Variants in GPM6A observed in about 807,000 individuals in gnomAD.
The protein encoded by GPM6A is glycoprotein M6A.
A neutral mutation model predicts 32.1 loss-of-function variants in GPM6A; 7 were observed. That is an observed-to-expected ratio of 0.22 (90% CI 0.12 to 0.41). The LOEUF (loss-of-function observed/expected upper bound fraction) is 0.41, where lower values mean the gene tolerates loss of function less well. Ranked by LOEUF, GPM6A falls within the 10% of genes least tolerant of loss-of-function variation. GPM6A has a pLI of 1.00. For missense variants in GPM6A, 235 were observed against 347.2 expected, an observed-to-expected ratio of 0.68 and a Z score of 2.57; for synonymous variants, 130 against 123.4, an observed-to-expected ratio of 1.05 and a Z score of -0.35.
At chr4:175,940,820 G>C (rs894203404) in intron 1 of GPM6A, among the ~76,000 whole-genome samples, 31 of 152,194 alleles carry the variant, frequency 2.0e-4, no homozygotes, top group Non-Finnish European at 4.4e-4. Flanking sequence ...TGTTGGCCAG[G>C]CTAGTCTCGA....
chr4:175,910,538 G>A (rs913264394), intron 1 of GPM6A, among the ~76,000 whole-genome samples: 1 of 152,122 alleles, frequency 6.6e-6, no homozygotes, highest in Middle Eastern at 3.2e-3. Context: ...ACTATGATGA[G>A]CTGGTGTTAT....
At chr4:175,774,181 T>C (rs1267341592) in intron 1 of GPM6A, among the ~76,000 whole-genome samples, 2 of 152,102 alleles carry the variant, frequency 1.3e-5, no homozygotes, top group South Asian at 2.1e-4. Flanking sequence ...GAAGTGTCTA[T>C]CAAGTCCAGT....
intron 1 of GPM6A, among the ~76,000 whole-genome samples, chr4:175,776,680 C>T (rs955418027): frequency 6.6e-6 from 1 of 152,128 alleles, no homozygotes; most frequent in Non-Finnish European, 1.5e-5. Context: ...TTCCTAGCGA[C>T]GTTTTAATGT....
At chr4:175,955,703 A>G (rs903161852) in intron 1 of GPM6A, among the ~76,000 whole-genome samples, 1 of 152,182 alleles carries the variant, frequency 6.6e-6, no homozygotes, top group African/African-American at 2.4e-5. Context: ...CCAAGCAGTA[A>G]CAACAGCCAA....
chr4:175,638,503 T>C (rs1280250012), intron 6 of GPM6A, among the ~76,000 whole-genome samples: 1 of 152,162 alleles, frequency 6.6e-6, no homozygotes, highest in Non-Finnish European at 1.5e-5. Flanking sequence ...ATGCAAAGCA[T>C]AGATTGCTTA....
intron 2 of GPM6A, among the ~76,000 whole-genome samples, chr4:175,681,164 C>T (rs532820283): frequency 1.3e-5 from 2 of 152,098 alleles, no homozygotes; most frequent in South Asian, 2.1e-4. Flanking sequence ...AGTTTTGTTA[C>T]GTATTGCCAA....
intron 1 of GPM6A, among the ~76,000 whole-genome samples, chr4:175,710,051 T>A (rs993023877): frequency 6.6e-6 from 1 of 152,170 alleles, no homozygotes; most frequent in Non-Finnish European, 1.5e-5. Context: ...CTGCTATGTT[T>A]CCAGAAGACA....
chr4:175,930,090 G>A (rs1320790572), intron 1 of GPM6A, among the ~76,000 whole-genome samples: 1 of 152,100 alleles, frequency 6.6e-6, no homozygotes, highest in African/African-American at 2.4e-5. Flanking sequence ...ACAGTCAACA[G>A]TTGTTTTATT....
At chr4:175,707,319 C>T (rs1325656577) in intron 1 of GPM6A, among the ~76,000 whole-genome samples, 5 of 152,200 alleles carry the variant, frequency 3.3e-5, no homozygotes, top group African/African-American at 9.6e-5. Flanking sequence ...CAATACCACA[C>T]TGCCTTATAG....
chr4:175,670,320 T>C (rs950883304), intron 3 of GPM6A, among the ~76,000 whole-genome samples: 10 of 152,212 alleles, frequency 6.6e-5, no homozygotes, highest in African/African-American at 2.2e-4. Flanking sequence ...TCCATAATGA[T>C]GTCACAGTAG....
intron 1 of GPM6A, among the ~76,000 whole-genome samples, chr4:175,897,464 G>A (rs1432263217): frequency 6.6e-6 from 1 of 152,130 alleles, no homozygotes; most frequent in African/African-American, 2.4e-5. Flanking sequence ...ATTGAGAAGG[G>A]GAGAGGTGAG....
chr4:175,831,715 C>CTTTTTTTTTT (rs780096379), intron 1 of GPM6A, among the ~76,000 whole-genome samples: 10 of 69,946 alleles, frequency 1.4e-4, no homozygotes, highest in Admixed American at 2.2e-4. Context: ...TTAGCCATCT[C>CTTTTTTTTTT]TTTTTTTTTT....
intron 2 of GPM6A, among the ~76,000 whole-genome samples, chr4:175,690,020 C>A (rs1446713655): frequency 6.6e-6 from 1 of 152,154 alleles, no homozygotes; most frequent in African/African-American, 2.4e-5. Context: ...TCCCCTGTTT[C>A]AACATGGCTG....
intron 1 of GPM6A, among the ~76,000 whole-genome samples, chr4:175,836,324 T>G (rs893709559): frequency 1.3e-5 from 2 of 152,170 alleles, no homozygotes; most frequent in African/African-American, 4.8e-5. Context: ...TTCACTCAAC[T>G]AATGTCTTTT....
intron 1 of GPM6A, among the ~76,000 whole-genome samples, chr4:175,742,325 T>A (rs1174466601): frequency 6.6e-6 from 1 of 152,108 alleles, no homozygotes; most frequent in East Asian, 1.9e-4. Flanking sequence ...ATGGATCAGA[T>A]CAGTTTGCAA....
At chr4:175,859,531 A>G (rs1736511727) in intron 1 of GPM6A, among the ~76,000 whole-genome samples, 2 of 152,224 alleles carry the variant, frequency 1.3e-5, no homozygotes, top group African/African-American at 2.4e-5. Context: ...AAATATATCC[A>G]TACGCTTCTA....
chr4:175,923,215 T>TTATA (rs201557656), intron 1 of GPM6A, among the ~76,000 whole-genome samples: 143 of 26,702 alleles, frequency 5.4e-3, no homozygotes, highest in African/African-American at 0.01. Context: ...ATAACATGAT[T>TTATA]TATATATATA....
chr4:175,637,326 ATT>A (rs1740759483), intron 6 of GPM6A, among the ~76,000 whole-genome samples: 1 of 79,608 alleles, frequency 1.3e-5, no homozygotes, highest in South Asian at 3.2e-4. Flanking sequence ...TAAAATATAT[ATT>A]ATATATTATA....
chr4:175,870,437 C>T (rs568267826), intron 1 of GPM6A, among the ~76,000 whole-genome samples: 15 of 152,222 alleles, frequency 9.9e-5, no homozygotes, highest in Non-Finnish European at 1.2e-4. Flanking sequence ...AATGTTATTA[C>T]GTACCTACTA....
Sources: gnomAD v4.1 joint callset for allele counts (sites outside exome capture counted in the v4.1 genomes callset) on GRCh38, gnomAD v4.1.1 for gene constraint, MANE v1.5 for transcripts, NCBI Gene and HGNC (gene_info 2026-07-23, HGNC 2026-07-21) for gene names.